Variants in ADARB2 observed in about 807,000 individuals in gnomAD.
ADARB2 encodes the protein adenosine deaminase RNA specific B2 (inactive), also known as inactive double-stranded RNA-specific editase B2.
A neutral mutation model predicts 62.2 loss-of-function variants in ADARB2; 25 were observed. That is an observed-to-expected ratio of 0.40 (90% confidence interval 0.29 to 0.56). The LOEUF is 0.56. ADARB2 is among the 20% of genes least tolerant of loss of function. The pLI, the probability that ADARB2 is intolerant of heterozygous loss-of-function variation, is 0.43. For missense variants in ADARB2, 1,071 were observed against 1,077.4 expected, an observed-to-expected ratio of 0.99 and a Z score of 0.08; for synonymous variants, 572 against 500.8, an observed-to-expected ratio of 1.14 and a Z score of -1.90.
chr10:1,454,497 G>A (rs1173653788), intron 1 of ADARB2, among the ~76,000 whole-genome samples: 1 of 152,216 alleles, frequency 6.6e-6, no homozygotes, highest in Non-Finnish European at 1.5e-5. Flanking sequence ...CTATTCAGCT[G>A]AAAAAGGAAG....
chr10:1,464,237 G>A (rs369627744), intron 1 of ADARB2, among the ~76,000 whole-genome samples: 4 of 119,016 alleles, frequency 3.4e-5, no homozygotes, highest in African/African-American at 9.1e-5. Context: ...CAGTCACAGC[G>A]GGCAGTGCGC....
At position 1,273,650 on chromosome 10, in the gene ADARB2, A is replaced by T. The variant is rs373965428; in HGVS notation, c.1078-2581T>A. ...GAGCTCTGAGCTGGGGTGGAGAAGA[A>T]GATGCAGGGGGACAGAGGCCCACAG... On this transcript the variant is annotated intron_variant, in intron 3 of 9. Coordinates refer to ENST00000381312, the MANE Select transcript of ADARB2 (RefSeq NM_018702.4). Among the ~76,000 whole-genome samples, 661 of 152,314 alleles carry T rather than the reference A, an allele frequency of 4.3e-3. 2 individuals are homozygous for T. The highest frequency in any genetic ancestry group is 0.012 in the African/African-American group (484 of 41,570).
intron 1 of ADARB2, among the ~76,000 whole-genome samples, chr10:1,424,655 A>T (rs943285278): frequency 2.0e-5 from 3 of 152,086 alleles, no homozygotes; most frequent in African/African-American, 7.2e-5. Flanking sequence ...GCAAAAAAAA[A>T]AGAGAGAGAT....
At chr10:1,451,723 C>A (rs1392040940) in intron 1 of ADARB2, among the ~76,000 whole-genome samples, 2 of 152,114 alleles carry the variant, frequency 1.3e-5, no homozygotes, top group African/African-American at 4.8e-5. Context: ...GAGGGACACA[C>A]CCATATGAGG....
At chr10:1,593,749 G>A (rs1026294249) in intron 1 of ADARB2, among the ~76,000 whole-genome samples, 1 of 152,186 alleles carries the variant, frequency 6.6e-6, no homozygotes, top group Non-Finnish European at 1.5e-5. Context: ...CAAGGTTGAT[G>A]ATGGGCAACT....
rs556497265 is a variant in ADARB2, at chr10:1,708,500, G to C, written c.100+28551C>G. Among the ~76,000 whole-genome samples, 5 of 152,300 alleles carry C rather than the reference G, an allele frequency of 3.3e-5. No individual in the cohort carries two copies. The East Asian group carries it at 9.7e-4, about 29-fold the overall frequency. ...TCCTGGTCAGAATCTTTCAGCCAGG[G>C]TCTGTGCTGGCAGACAACAAGACAC... On this transcript the variant is annotated intron_variant, in intron 1 of 9. Coordinates refer to ENST00000381312, the MANE Select transcript of ADARB2 (RefSeq NM_018702.4).
chr10:1,442,530 T>C (rs539593268), intron 1 of ADARB2, among the ~76,000 whole-genome samples: 1 of 152,222 alleles, frequency 6.6e-6, no homozygotes, highest in East Asian at 1.9e-4. Context: ...ACATTTTCAC[T>C]TAATAGCTAC....
intron 3 of ADARB2, among the ~76,000 whole-genome samples, chr10:1,287,343 T>A (rs1831423307): frequency 5.3e-5 from 8 of 152,232 alleles, no homozygotes. Context: ...GGGATGATCA[T>A]ATCAGGCTGA....
At chr10:1,428,444 G>A (rs750443904) in intron 1 of ADARB2, among the ~76,000 whole-genome samples, 1 of 151,592 alleles carries the variant, frequency 6.6e-6, no homozygotes, top group Non-Finnish European at 1.5e-5. Flanking sequence ...CCATCACCAC[G>A]CCCAGCTAAT....
At chr10:1,292,489 A>G (rs548758576) in intron 3 of ADARB2, 153 of 152,308 alleles carry the variant, frequency 1.0e-3, no homozygotes, top group Middle Eastern at 3.4e-3. Context: ...GACACTCAGT[A>G]TATCTTTTCC....
At chr10:1,280,593 A>G (rs548774351) in intron 3 of ADARB2, among the ~76,000 whole-genome samples, 140 of 151,236 alleles carry the variant, frequency 9.3e-4, no homozygotes, top group Non-Finnish European at 1.7e-3. Flanking sequence ...GCTCCGTGAA[A>G]TTCCTGAGTG....
chr10:1,591,041 C>G (rs1024948643), intron 1 of ADARB2, among the ~76,000 whole-genome samples: 1 of 152,204 alleles, frequency 6.6e-6, no homozygotes, highest in Admixed American at 6.5e-5. Flanking sequence ...TTCTATGTGT[C>G]GATTATACCT....
chr10:1,502,962 C>G (rs767302136), intron 1 of ADARB2, among the ~76,000 whole-genome samples: 8 of 151,992 alleles, frequency 5.3e-5, no homozygotes, highest in African/African-American at 1.9e-4. Context: ...TTATTTTTTG[C>G]GGCAATCTAG....
At chr10:1,508,266 T>C (rs888384757) in intron 1 of ADARB2, among the ~76,000 whole-genome samples, 1 of 152,186 alleles carries the variant, frequency 6.6e-6, no homozygotes, top group Non-Finnish European at 1.5e-5. Context: ...AGAACCTCAA[T>C]GGACGTCAGT....
intron 4 of ADARB2, among the ~76,000 whole-genome samples, chr10:1,249,565 T>C (rs998827279): frequency 6.6e-6 from 1 of 151,752 alleles, no homozygotes; most frequent in African/African-American, 2.4e-5. Flanking sequence ...TTATCAAAAC[T>C]CAACTCTGTC....
chr10:1,574,611 T>C (rs1832985636), intron 1 of ADARB2, among the ~76,000 whole-genome samples: 6 of 152,210 alleles, frequency 3.9e-5, no homozygotes, highest in Admixed American at 3.9e-4. Context: ...TAGACCCTGC[T>C]GTCTCCCTGT....
chr10:1,560,434 C>T (rs904169520), intron 1 of ADARB2, among the ~76,000 whole-genome samples: 6 of 151,804 alleles, frequency 4.0e-5, no homozygotes, highest in Non-Finnish European at 7.4e-5. Context: ...TCACGAGGCG[C>T]ACCCTGGGTC....
At chr10:1,731,426 A>C (rs1176738318) in intron 1 of ADARB2, among the ~76,000 whole-genome samples, 1 of 152,162 alleles carries the variant, frequency 6.6e-6, no homozygotes, top group African/African-American at 2.4e-5. Flanking sequence ...CAAGGTCCTA[A>C]ATTTCTCAAT....
chr10:1,326,019 A>G (rs1440729374), intron 3 of ADARB2, among the ~76,000 whole-genome samples: 1 of 152,264 alleles, frequency 6.6e-6, no homozygotes, highest in Non-Finnish European at 1.5e-5. Flanking sequence ...AACCATTCGA[A>G]TCGAAGAGAG....
Sources: allele counts gnomAD v4.1 joint callset (sites outside exome capture counted in the v4.1 genomes callset), GRCh38; gene constraint gnomAD v4.1.1; transcripts MANE v1.5; gene names NCBI Gene and HGNC (gene_info 2026-07-23, HGNC 2026-07-21).